The following WAPL variants were observed in gnomAD, a reference collection of about 807,000 sequenced individuals.
The protein encoded by WAPL is WAPL cohesin release factor, also known as wings apart-like protein homolog.
A neutral mutation model predicts 121.0 loss-of-function variants in WAPL; 5 were observed. That is an observed-to-expected ratio of 0.04 (90% CI 0.02 to 0.09). WAPL has a LOEUF of 0.09. WAPL is among the 10% of genes least tolerant of loss of function. The pLI is 1.00. For synonymous variants in WAPL, 480 were observed against 481.5 expected, an observed-to-expected ratio of 1.00 and a Z score of 0.04; for missense variants, 999 against 1,410.8, an observed-to-expected ratio of 0.71 and a Z score of 4.68.
At chr10:86,448,710 G>A (rs1218184572) in intron 15 of WAPL, among the ~76,000 whole-genome samples, 1 of 152,088 alleles carries the variant, frequency 6.6e-6, no homozygotes, top group Non-Finnish European at 1.5e-5. Flanking sequence ...AACTTCCTGG[G>A]CTCATGTGAT....
intron 4 of WAPL, among the ~76,000 whole-genome samples, chr10:86,484,322 C>T (rs1841877814): frequency 6.6e-6 from 1 of 151,990 alleles, no homozygotes; most frequent in Non-Finnish European, 1.5e-5. Flanking sequence ...ATGGTGAAAC[C>T]CCACCTCTAC....
At chr10:86,483,784 A>AATTTTT (rs1554829982) in intron 4 of WAPL, among the ~76,000 whole-genome samples, 1 of 131,368 alleles carries the variant, frequency 7.6e-6, no homozygotes, top group Non-Finnish European at 1.6e-5. Context: ...AAAAAAAAAA[A>AATTTTT]TTTTTTTTTC....
chr10:86,469,130 T>C (rs1841471591), intron 8 of WAPL, among the ~76,000 whole-genome samples: 1 of 150,980 alleles, frequency 6.6e-6, no homozygotes. Context: ...TAAAATAAAA[T>C]ACAAAAATTA....
intron 2 of WAPL, among the ~76,000 whole-genome samples, chr10:86,508,382 C>A (rs1022512649): frequency 2.0e-5 from 3 of 152,188 alleles, no homozygotes; most frequent in Admixed American, 6.6e-5. Context: ...ACATAGCACC[C>A]CTTCTTCCAA....
At chr10:86,483,077 T>C (rs1841829236) in intron 4 of WAPL, among the ~76,000 whole-genome samples, 2 of 152,226 alleles carry the variant, frequency 1.3e-5, no homozygotes, top group Non-Finnish European at 2.9e-5. Flanking sequence ...CGAGTGTTTG[T>C]AGTGATGCTT....
chr10:86,460,128 A>T (rs1841236013), intron 11 of WAPL, among the ~76,000 whole-genome samples: 1 of 152,160 alleles, frequency 6.6e-6, no homozygotes, highest in South Asian at 2.1e-4. Flanking sequence ...ATAATAATAA[A>T]AATAATAAAA....
rs189235145 is a variant in WAPL at position 86,505,729 on chromosome 10, T to C, written c.500-4986A>G. The stretch of plus-strand genomic sequence containing the variant: ...TGACCACTAAAAGACTAAACATAAA[T>C]ACTATAATCATTAGGATAAAATTCT... On this transcript the variant is annotated intron_variant, in intron 2 of 18. Coordinates refer to ENST00000298767, the MANE Select transcript of WAPL (RefSeq NM_015045.5). Among the ~76,000 whole-genome samples the C allele has an allele frequency of 1.4e-3, 215 of 152,256 alleles. 1 individual carries two copies. The highest frequency in any genetic ancestry group is 5.1e-3 in the African/African-American group (210 of 41,546).
At chr10:86,497,468 T>C (rs1464236891) in intron 3 of WAPL, 149 bp from the exon 4 acceptor site, 1 of 630,072 alleles carries the variant, frequency 1.6e-6, no homozygotes, top group Non-Finnish European at 2.7e-6. Context: ...AAATACTCCC[T>C]AGAATAAGAA....
In WAPL at chr10:86,487,007, G is replaced by A. The variant is rs984640059; in HGVS notation, c.1644+10194C>T. 2.6e-5 allele frequency among the ~76,000 whole-genome samples: 4 copies of A among 151,998 alleles called. No individual in the cohort carries two copies. In the South Asian group the frequency reaches 8.3e-4, roughly 32 times the overall value. On this transcript the variant is annotated intron_variant, in intron 4 of 18. Transcript: ENST00000298767. ...ATAAATATTGGAGAATTGAAACTGA[G>A]ATTGACGTTATGGTTAGTTTCATCA...
chr10:86,500,001 T>A lies in WAPL; in HGVS notation c.1242A>T (p.Arg414=). The change falls in exon 3 of 19, where the codon CGA becomes CGT. Residue 414 remains arginine (R), a synonymous_variant. Transcript: ENST00000298767. ...IATSKTTTRF[R]PSNTKSKKDV... is the part of the protein sequence containing the mutation. Reference sequence around the variant, plus strand: ...CCTTTTTGGATTTAGTATTACTAGGTCGAAATCTAGTAGTAGTCTTAGAAG... The same window carrying A: ...CCTTTTTGGATTTAGTATTACTAGGACGAAATCTAGTAGTAGTCTTAGAAG... 1 of 1,614,150 alleles carries A rather than the reference T, an allele frequency of 6.2e-7. No homozygotes were observed. The highest frequency in any genetic ancestry group is 2.2e-5 in the East Asian group (1 of 44,886).
Position 86,500,889 on chromosome 10 carries a change from T to G in WAPL, c.500-146A>C. 3 of 744,484 alleles carry G rather than the reference T, an allele frequency of 4.0e-6. No homozygotes were observed. In the South Asian group the frequency reaches 6.3e-5, roughly 16 times the overall value. 46.1% of individuals were successfully genotyped at this position (744,484 alleles called of 1,614,324 possible). Reference sequence around the variant, plus strand: ...AGTTGTGAAGAAATTAACATTTACATATCAGACATTTCCTCTCCTATCTTT... The same window carrying G: ...AGTTGTGAAGAAATTAACATTTACAGATCAGACATTTCCTCTCCTATCTTT... On this transcript the variant is annotated intron_variant, in intron 2 of 18. Coordinates refer to ENST00000298767, the MANE Select transcript of WAPL (RefSeq NM_015045.5).
chr10:86,495,811 C>T (rs1447170033), intron 4 of WAPL, among the ~76,000 whole-genome samples: 2 of 152,004 alleles, frequency 1.3e-5, no homozygotes, highest in African/African-American at 4.8e-5. Context: ...AACAAAAAAA[C>T]TCAATTCAAA....
At position 86,438,029 on chromosome 10, in the gene WAPL, GC is replaced by G; in HGVS notation, c.3412-15del. 6.3e-7 allele frequency: 1 copy of G among 1,593,040 alleles called. No individual in the cohort carries two copies. The highest frequency in any genetic ancestry group is 8.6e-7 in the Non-Finnish European group (1 of 1,163,746). ...GGTTACATTGATCTGAGGAAACAGA[GC>G]AAGAAATATTGGTCAGCTGGCAGAA... On this transcript the variant is annotated splice_polypyrimidine_tract_variant and intron_variant, in intron 17 of 18. Coordinates refer to ENST00000298767, the MANE Select transcript of WAPL (RefSeq NM_015045.5).
At chr10:86,475,482 C>G (rs2132196150) in intron 4 of WAPL, among the ~76,000 whole-genome samples, 1 of 152,306 alleles carries the variant, frequency 6.6e-6, no homozygotes, top group Non-Finnish European at 1.5e-5. Flanking sequence ...TAGCATTAAG[C>G]ATTAGTGTGA....
intron 9 of WAPL, among the ~76,000 whole-genome samples, chr10:86,466,818 C>G (rs1178928795): frequency 6.6e-6 from 1 of 152,082 alleles, no homozygotes; most frequent in Non-Finnish European, 1.5e-5. Flanking sequence ...CTGACCTAAG[C>G]CTCCTGACTA....
At chr10:86,475,284 T>G (rs547546419) in intron 4 of WAPL, among the ~76,000 whole-genome samples, 66 of 152,336 alleles carry the variant, frequency 4.3e-4, no homozygotes, top group African/African-American at 1.1e-3. Context: ...AAAGTGACGT[T>G]AAATTATGTT....
intron 1 of WAPL, among the ~76,000 whole-genome samples, chr10:86,520,139 T>C (rs773950539): frequency 4.0e-4 from 61 of 151,928 alleles, no homozygotes; most frequent in Admixed American, 5.9e-4. Context: ...CTACTAAAAA[T>C]AGAAAATTAG....
At position 86,500,359 on chromosome 10, in the gene WAPL, G is replaced by A. The variant is rs1211008911; in HGVS notation, c.884C>T (p.Thr295Met). The A allele has an allele frequency of 6.2e-7, 1 of 1,614,146 alleles. No individual in the cohort carries two copies. The highest frequency in any genetic ancestry group is 8.5e-7 in the Non-Finnish European group (1 of 1,180,024). ...QSVLRPTNCR[T>M]YCRANKTKSS... ...TTTCGTTTTATTGGCCCTACAGTAC[G>A]TCCTACAGTTGGTTGGCCTAAGAAC... The change falls in exon 3 of 19, where the codon ACG (threonine) becomes ATG (methionine). Residue 295 changes from threonine (T) to methionine (M), a missense_variant. Physicochemically the swap from Thr to Met is moderately conservative, Grantham distance 81 (BLOSUM62 -1). Around this residue, in one of 7 missense-constraint regions of WAPL, gnomAD observed 531 missense variants for 563.1 expected, o/e 0.94. Transcript: ENST00000298767.
At chr10:86,483,193 G>T (rs746889676) in intron 4 of WAPL, among the ~76,000 whole-genome samples, 12 of 152,124 alleles carry the variant, frequency 7.9e-5, no homozygotes, top group Non-Finnish European at 8.8e-5. Flanking sequence ...GGCCGAGGTG[G>T]GTGGATCACC....
Sources: allele counts gnomAD v4.1 joint callset (sites outside exome capture counted in the v4.1 genomes callset), GRCh38; gene constraint gnomAD v4.1.1; regional missense constraint gnomAD v4.1.1; transcripts MANE v1.5; gene names NCBI Gene and HGNC (gene_info 2026-07-23, HGNC 2026-07-21).